Variants in EXOC4 observed in about 807,000 individuals in gnomAD.
The protein encoded by EXOC4 is exocyst complex component 4.
EXOC4 carries 71 observed loss-of-function variants against 107.2 expected under a neutral mutation model. The observed-to-expected ratio is 0.66, with a 90% CI of 0.55 to 0.81. EXOC4 has a LOEUF of 0.81. EXOC4 is among the 30% of genes least tolerant of loss of function. EXOC4 has a pLI of 0.00. For missense variants in EXOC4, 1,108 were observed against 1,189.6 expected, an observed-to-expected ratio of 0.93 and a Z score of 1.01; for synonymous variants, 456 against 441.2, an observed-to-expected ratio of 1.03 and a Z score of -0.42.
chr7:133,784,345 A>G (rs188047683), intron 10 of EXOC4, among the ~76,000 whole-genome samples: 2 of 152,272 alleles, frequency 1.3e-5, no homozygotes, highest in East Asian at 3.9e-4. Context: ...CACCTTAATA[A>G]TTATTCAGTA....
At chr7:133,971,361 T>TATATATATAGAGAG (rs1489958236) in intron 14 of EXOC4, among the ~76,000 whole-genome samples, 41 of 75,048 alleles carry the variant, frequency 5.5e-4, no homozygotes, top group African/African-American at 1.4e-3. Flanking sequence ...TATATATATA[T>TATATATATAGAGAG]AGAGAGAGAG....
intron 6 of EXOC4, among the ~76,000 whole-genome samples, chr7:133,365,531 G>A (rs926855706): frequency 1.4e-4 from 21 of 152,062 alleles, no homozygotes; most frequent in Non-Finnish European, 2.9e-4. Context: ...CTAGCACCAG[G>A]CCCCACTTCA....
chr7:134,027,251 T>C (rs1795159466), intron 17 of EXOC4, among the ~76,000 whole-genome samples: 1 of 152,208 alleles, frequency 6.6e-6, no homozygotes, highest in Non-Finnish European at 1.5e-5. Context: ...TTGGTTCTAC[T>C]CTCATGAACT....
chr7:133,972,256 T>G (rs886187531), intron 14 of EXOC4, among the ~76,000 whole-genome samples: 25 of 152,214 alleles, frequency 1.6e-4, no homozygotes, highest in African/African-American at 5.8e-4. Flanking sequence ...TTACCCTGCT[T>G]CTTTTTCTCC....
At chr7:134,068,717 C>G (rs1294311269), downstream of EXOC4, among the ~76,000 whole-genome samples, 1 of 152,176 alleles carries the variant, frequency 6.6e-6, no homozygotes, top group Non-Finnish European at 1.5e-5. Flanking sequence ...CACCCTCTCT[C>G]CAAGACTTTA....
At chr7:133,455,213 C>A (rs1798436027) in intron 7 of EXOC4, among the ~76,000 whole-genome samples, 1 of 152,104 alleles carries the variant, frequency 6.6e-6, no homozygotes, top group African/African-American at 2.4e-5. Flanking sequence ...TATACTCTTT[C>A]TTAAGATATT....
chr7:133,376,458 C>T (rs544252029), intron 7 of EXOC4, among the ~76,000 whole-genome samples: 2 of 152,220 alleles, frequency 1.3e-5, no homozygotes, highest in Non-Finnish European at 1.5e-5. Context: ...ATAGGGACTT[C>T]TGTTTCTCAT....
intron 10 of EXOC4, among the ~76,000 whole-genome samples, chr7:133,699,269 T>A (rs192002420): frequency 3.9e-5 from 6 of 152,282 alleles, no homozygotes; most frequent in Admixed American, 3.9e-4. Context: ...CGCCTGACAC[T>A]TTCCTAGACT....
At chr7:133,844,874 C>G (rs1471830234) in intron 11 of EXOC4, among the ~76,000 whole-genome samples, 1 of 152,076 alleles carries the variant, frequency 6.6e-6, no homozygotes, top group Admixed American at 6.6e-5. Flanking sequence ...TTCAGGCACT[C>G]TCTGAAACAT....
intron 1 of EXOC4, among the ~76,000 whole-genome samples, chr7:133,263,197 C>G (rs1184603076): frequency 6.6e-6 from 1 of 152,120 alleles, no homozygotes; most frequent in Non-Finnish European, 1.5e-5. Context: ...TGAGAACAGA[C>G]TAATACACCT....
intron 10 of EXOC4, among the ~76,000 whole-genome samples, chr7:133,698,301 T>G (rs890782585): frequency 1.3e-5 from 2 of 152,084 alleles, no homozygotes; most frequent in Non-Finnish European, 2.9e-5. Context: ...GAGACTGTTA[T>G]TCTTAAAGAA....
intron 8 of EXOC4, chr7:133,479,085 G>A (rs376268150): frequency 2.0e-5 from 3 of 152,236 alleles, no homozygotes; most frequent in East Asian, 3.9e-4. Flanking sequence ...TAGCACTGTT[G>A]CTCGTACTAT....
chr7:133,927,772 G>A lies in EXOC4; in HGVS notation c.2027+10034G>A, dbSNP rs114685944. ...GCAGTTAAATGAGATGAAGGTCATA[G>A]ATGGATATAGAACGCTGCCAGGCAA... On this transcript the variant is annotated intron_variant, in intron 13 of 17. Transcript: ENST00000253861. 2.4e-3 allele frequency among the ~76,000 whole-genome samples: 366 copies of A among 152,308 alleles called. 5 individuals are homozygous for A. Among genetic ancestry groups the A allele is most frequent in the African/African-American group, 8.2e-3 (342 of 41,586 alleles).
chr7:133,413,819 C>A (rs1797414842), intron 7 of EXOC4, among the ~76,000 whole-genome samples: 1 of 152,084 alleles, frequency 6.6e-6, no homozygotes, highest in Non-Finnish European at 1.5e-5. Flanking sequence ...ATATACTTTC[C>A]TGGTTTGGCC....
At chr7:133,322,252 T>C (rs1795130341) in intron 5 of EXOC4, among the ~76,000 whole-genome samples, 1 of 152,112 alleles carries the variant, frequency 6.6e-6, no homozygotes, top group South Asian at 2.1e-4. Flanking sequence ...TTTTGGCTTT[T>C]GTTGCCATTG....
intron 14 of EXOC4, among the ~76,000 whole-genome samples, chr7:133,955,715 A>C (rs1242931538): frequency 2.0e-5 from 3 of 152,322 alleles, no homozygotes; most frequent in African/African-American, 7.2e-5. Flanking sequence ...GGGCACCTAC[A>C]GGCCTGCACC....
chr7:133,484,260 T>G, intron 9 of EXOC4: 1 of 1,283,514 alleles, frequency 7.8e-7, no homozygotes, highest in East Asian at 2.7e-5. Context: ...TACAGATGGT[T>G]CATTATATAG....
At chr7:133,341,310 G>A (rs1331869562) in intron 5 of EXOC4, among the ~76,000 whole-genome samples, 1 of 152,092 alleles carries the variant, frequency 6.6e-6, no homozygotes, top group Non-Finnish European at 1.5e-5. Context: ...TCAGGAGCAG[G>A]TTATTTAATT....
intron 2 of EXOC4, among the ~76,000 whole-genome samples, chr7:133,279,169 A>G (rs1412425314): frequency 1.3e-5 from 2 of 152,294 alleles, no homozygotes; most frequent in Admixed American, 6.5e-5. Context: ...TTATGGCTGC[A>G]TAGTATTCCC....
Sources: allele counts gnomAD v4.1 joint callset (sites outside exome capture counted in the v4.1 genomes callset), GRCh38; gene constraint gnomAD v4.1.1; transcripts MANE v1.5; gene names NCBI Gene and HGNC (gene_info 2026-07-23, HGNC 2026-07-21).